The following AFF1 variants were observed in gnomAD, a reference collection of about 807,000 sequenced individuals.
AFF1 encodes the protein AF4/FMR2 family member 1.
A neutral mutation model predicts 121.7 loss-of-function variants in AFF1; 48 were observed. That is an observed-to-expected ratio of 0.39 (90% CI 0.31 to 0.50). The LOEUF (loss-of-function observed/expected upper bound fraction) is 0.50, where lower values mean the gene tolerates loss of function less well. Ranked by LOEUF, AFF1 falls within the 20% of genes least tolerant of loss-of-function variation. The pLI is 0.76. For synonymous variants in AFF1, 613 were observed against 563.0 expected, an observed-to-expected ratio of 1.09 and a Z score of -1.26; for missense variants, 1,523 against 1,511.7, an observed-to-expected ratio of 1.01 and a Z score of -0.12.
chr4:87,089,979 T>C lies in AFF1; in HGVS notation c.1105-5T>C. 2.5e-6 allele frequency: 4 copies of C among 1,611,196 alleles called. No individual in the cohort carries two copies. Among genetic ancestry groups the C allele is most frequent in the African/African-American group, 1.3e-5 (1 of 75,004 alleles). ...TTTTTCTTCCCTTTCCAAATATCTT[T>C]CCAGGAAATGACCCATTCATGGCCG... On this transcript the variant is annotated splice_region_variant and splice_polypyrimidine_tract_variant and intron_variant, in intron 5 of 20. Transcript: ENST00000395146.
At chr4:86,992,032 T>A (rs1724771113) in intron 2 of AFF1, among the ~76,000 whole-genome samples, 1 of 152,174 alleles carries the variant, frequency 6.6e-6, no homozygotes. Flanking sequence ...GGGAGTGCTG[T>A]GCTGAAACAT....
intron 2 of AFF1, among the ~76,000 whole-genome samples, chr4:86,981,468 A>G (rs905456178): frequency 2.4e-4 from 36 of 151,732 alleles, no homozygotes; most frequent in African/African-American, 8.7e-4. Flanking sequence ...CCCAGGTTCA[A>G]GCAATTCTCC....
intron 2 of AFF1, among the ~76,000 whole-genome samples, chr4:86,963,800 C>CTTTT (rs71660104): frequency 1.4e-5 from 2 of 143,922 alleles, no homozygotes; most frequent in Non-Finnish European, 1.5e-5. Context: ...CTTTTCATTT[C>CTTTT]TTTTTTTTTT....
rs1333566135 is a variant in AFF1, at chr4:87,022,594, CTA to C, written c.39-23570_39-23569del. Among the ~76,000 whole-genome samples, 115 of 100,018 alleles carry C rather than the reference CTA, an allele frequency of 1.1e-3. 2 individuals are homozygous for C. Among genetic ancestry groups the C allele is most frequent in the East Asian group, 8.6e-3 (26 of 3,032 alleles). 65.6% of individuals were successfully genotyped at this position (100,018 alleles called of 152,430 possible). A position where few individuals can be genotyped will look rare whatever the true frequency, so the allele number is the denominator to read the frequency against. On this transcript the variant is annotated intron_variant, in intron 2 of 20. Coordinates refer to ENST00000395146, the MANE Select transcript of AFF1 (RefSeq NM_001166693.3). The stretch of plus-strand genomic sequence containing the variant: ...TATATATATATATATCTATCTATAT[CTA>C]TCTGTGTGTATATATATCTGTGTGT...
intron 2 of AFF1, among the ~76,000 whole-genome samples, chr4:87,042,942 T>G (rs1730302011): frequency 6.6e-6 from 1 of 152,052 alleles, no homozygotes; most frequent in Non-Finnish European, 1.5e-5. Context: ...CAAGGCTGAG[T>G]TGATTGATTT....
intron 1 of AFF1, among the ~76,000 whole-genome samples, chr4:86,938,472 A>C (rs1180870381): frequency 1.3e-5 from 2 of 151,390 alleles, no homozygotes; most frequent in African/African-American, 4.8e-5. Flanking sequence ...AAAAAAGAAA[A>C]GGAAAAAAGT....
intron 4 of AFF1, among the ~76,000 whole-genome samples, chr4:87,065,559 C>G (rs774873680): frequency 6.7e-5 from 10 of 149,632 alleles, no homozygotes; most frequent in Admixed American, 1.3e-4. Context: ...AAAAATAGTA[C>G]AAGTAGTATT....
At chr4:86,970,910 G>A (rs1041742120) in intron 2 of AFF1, among the ~76,000 whole-genome samples, 1 of 152,198 alleles carries the variant, frequency 6.6e-6, no homozygotes, top group African/African-American at 2.4e-5. Flanking sequence ...TGAGGAGGGT[G>A]TTTGGGATGA....
intron 2 of AFF1, among the ~76,000 whole-genome samples, chr4:87,026,335 C>T (rs960804954): frequency 1.3e-4 from 20 of 152,146 alleles, no homozygotes; most frequent in African/African-American, 4.6e-4. Context: ...TGACTTCAAG[C>T]GATCCTCCTG....
At chr4:86,988,439 A>T (rs1304096394) in intron 2 of AFF1, among the ~76,000 whole-genome samples, 1 of 151,928 alleles carries the variant, frequency 6.6e-6, no homozygotes, top group East Asian at 1.9e-4. Context: ...TATCTGTAGG[A>T]CCTTCTTAAG....
At chr4:87,095,937 A>G (rs1184929598) in intron 8 of AFF1, among the ~76,000 whole-genome samples, 1 of 150,138 alleles carries the variant, frequency 6.7e-6, no homozygotes, top group Non-Finnish European at 1.5e-5. Flanking sequence ...TTAAGCTCCA[A>G]CTTTCCTTTA....
At chr4:87,072,807 C>G (rs1310675780) in intron 4 of AFF1, among the ~76,000 whole-genome samples, 1 of 152,188 alleles carries the variant, frequency 6.6e-6, no homozygotes, top group Admixed American at 6.5e-5. Flanking sequence ...GCTGGGATTA[C>G]AGGCGTGAGC....
intron 2 of AFF1, among the ~76,000 whole-genome samples, chr4:86,952,865 T>A (rs915531513): frequency 3.2e-4 from 47 of 145,760 alleles, no homozygotes; most frequent in African/African-American, 1.0e-3. Flanking sequence ...ATTTTGTATT[T>A]TTTATTTATT....
chr4:87,120,244 A>G (rs1727541203), intron 12 of AFF1, among the ~76,000 whole-genome samples: 1 of 152,188 alleles, frequency 6.6e-6, no homozygotes. Flanking sequence ...ACAAACTTGA[A>G]TTGGTGTCCC....
chr4:86,961,191 G>T (rs542368679), intron 2 of AFF1, among the ~76,000 whole-genome samples: 1 of 152,070 alleles, frequency 6.6e-6, no homozygotes, highest in African/African-American at 2.4e-5. Context: ...TTTAATAAGC[G>T]CAGTGACCAG....
chr4:87,062,979 T>C (rs1720931386), intron 4 of AFF1, among the ~76,000 whole-genome samples: 1 of 152,182 alleles, frequency 6.6e-6, no homozygotes, highest in Non-Finnish European at 1.5e-5. Flanking sequence ...TTGAATCTTG[T>C]TTTTACCTTC....
chr4:87,124,147 T>C (rs1324628292), intron 12 of AFF1, among the ~76,000 whole-genome samples: 1 of 152,220 alleles, frequency 6.6e-6, no homozygotes, highest in Non-Finnish European at 1.5e-5. Context: ...CGTGGAAGAA[T>C]TCTGTGTTGT....
chr4:87,040,282 A>G (rs186422337), intron 2 of AFF1, among the ~76,000 whole-genome samples: 1 of 152,202 alleles, frequency 6.6e-6, no homozygotes, highest in African/African-American at 2.4e-5. Context: ...CCTCAAGGAC[A>G]GGCCTGTGTG....
At chr4:86,949,569 A>T in intron 2 of AFF1, 3 of 800,738 alleles carry the variant, frequency 3.7e-6, no homozygotes, top group Non-Finnish European at 5.7e-6. Context: ...CGACTGGGGC[A>T]GGCGGGCTTT....
Sources: gnomAD v4.1 joint callset for allele counts (sites outside exome capture counted in the v4.1 genomes callset) on GRCh38, gnomAD v4.1.1 for gene constraint, MANE v1.5 for transcripts, NCBI Gene and HGNC (gene_info 2026-07-23, HGNC 2026-07-21) for gene names.